The following LMNB1 variants were observed in gnomAD, a reference collection of about 807,000 sequenced individuals.
LMNB1 encodes lamin-B1.
A neutral mutation model predicts 67.1 loss-of-function variants in LMNB1; 23 were observed. That is an observed-to-expected ratio of 0.34 (90% CI 0.25 to 0.49). The LOEUF (loss-of-function observed/expected upper bound fraction) is 0.49. LMNB1 is among the 20% of genes least tolerant of loss of function. The pLI is 0.99. For synonymous variants in LMNB1, 281 were observed against 282.9 expected, an observed-to-expected ratio of 0.99 and a Z score of 0.07; for missense variants, 634 against 746.5, an observed-to-expected ratio of 0.85 and a Z score of 1.76.
chr5:126,785,586 G>C (rs528174773), intron 1 of LMNB1, among the ~76,000 whole-genome samples: 4 of 150,534 alleles, frequency 2.7e-5, no homozygotes, highest in African/African-American at 7.3e-5. Context: ...GCCTCCCAAA[G>C]TGCTAGGATT....
Position 126,791,538 on chromosome 5 carries a change from G to A in LMNB1, c.360-13238G>A, listed in dbSNP as rs187091950. 4.8e-3 allele frequency among the ~76,000 whole-genome samples: 698 copies of A among 144,330 alleles called. 17 individuals carry two copies. Among genetic ancestry groups the A allele is most frequent in the African/African-American group, 0.017 (671 of 38,680 alleles). 94.7% of individuals were successfully genotyped at this position (144,330 alleles called of 152,430 possible). A position where few individuals can be genotyped will look rare whatever the true frequency, so the allele number is the denominator to read the frequency against. On this transcript the variant is annotated intron_variant, in intron 1 of 10. Transcript: ENST00000261366. ...AGTGGCATGATCTTGGCTCACTACA[G>A]CCTCAACCTCCTAGGCTCAAGTGAT...
At chr5:126,781,905 C>G (rs563084100) in intron 1 of LMNB1, among the ~76,000 whole-genome samples, 248 of 152,290 alleles carry the variant, frequency 1.6e-3, no homozygotes, top group African/African-American at 5.9e-3. Context: ...CATGGAAATG[C>G]TTGGTCTAAA....
At chr5:126,801,141 G>A (rs1009885827) in intron 1 of LMNB1, among the ~76,000 whole-genome samples, 24 of 150,176 alleles carry the variant, frequency 1.6e-4, no homozygotes, top group Admixed American at 5.3e-4. Flanking sequence ...GTGCCACCAC[G>A]CCTGGCTAAT....
At chr5:126,812,765 C>G (rs113536539) in intron 5 of LMNB1, among the ~76,000 whole-genome samples, 5 of 135,210 alleles carry the variant, frequency 3.7e-5, no homozygotes, top group African/African-American at 1.4e-4. Flanking sequence ...GAGTCTCACT[C>G]TGTCGCCCAG....
chr5:126,826,204 T>C (rs138015446), intron 9 of LMNB1, 97 bp downstream of exon 9: 3 of 1,379,780 alleles, frequency 2.2e-6, no homozygotes, highest in African/African-American at 2.9e-5. Context: ...CAATAACCGA[T>C]TGCATAAACA....
intron 5 of LMNB1, among the ~76,000 whole-genome samples, chr5:126,818,642 CA>C (rs1751784977): frequency 6.6e-6 from 1 of 152,220 alleles, no homozygotes; most frequent in Non-Finnish European, 1.5e-5. Flanking sequence ...CACATCTTAA[CA>C]TTTTTTTGGC....
intron 1 of LMNB1, among the ~76,000 whole-genome samples, chr5:126,791,810 G>T (rs1008906929): frequency 4.0e-5 from 6 of 151,206 alleles, no homozygotes; most frequent in South Asian, 4.2e-4. Flanking sequence ...TTGAGACAGG[G>T]TCTTGCTCTG....
chr5:126,821,173 G>A, intron 7 of LMNB1, 38 bp downstream of exon 7: 1 of 1,353,424 alleles, frequency 7.4e-7, no homozygotes, highest in Non-Finnish European at 1.1e-6. Context: ...GCAAGGCTTT[G>A]TGGATTGCTA....
chr5:126,835,904 G>A (rs551776115), intron 10 of LMNB1, among the ~76,000 whole-genome samples: 27 of 152,280 alleles, frequency 1.8e-4, no homozygotes, highest in African/African-American at 5.3e-4. Flanking sequence ...CCTGGCTAAC[G>A]TGGTGGTGAT....
chr5:126,812,976 G>A (rs917669412), intron 5 of LMNB1, among the ~76,000 whole-genome samples: 3 of 152,026 alleles, frequency 2.0e-5, no homozygotes, highest in Non-Finnish European at 2.9e-5. Context: ...TGATCCACCC[G>A]CCTCGGCTTC....
chr5:126,823,047 TG>T (rs1457279917), intron 8 of LMNB1, among the ~76,000 whole-genome samples, 162 bp downstream of exon 8: 4 of 152,250 alleles, frequency 2.6e-5, no homozygotes, highest in African/African-American at 9.6e-5. Flanking sequence ...TTTAAAATTC[TG>T]TCTTATTGAG....
At position 126,804,756 on chromosome 5, in the gene LMNB1, G is replaced by A; in HGVS notation, c.360-20G>A. The stretch of plus-strand genomic sequence containing the variant: ...TCATCAGTATGGTTTGATGTCTTAT[G>A]CTTTTTAAATCTGTTCCAGCTATGC... On this transcript the variant is annotated intron_variant, in intron 1 of 10. Transcript: ENST00000261366. 11 of 1,610,858 alleles carry A rather than the reference G, an allele frequency of 6.8e-6. No individual in the cohort carries two copies. Among genetic ancestry groups the A allele is most frequent in the Non-Finnish European group, 9.3e-6 (11 of 1,178,280 alleles).
At position 126,804,883 on chromosome 5, in the gene LMNB1, A is replaced by T; in HGVS notation, c.467A>T (p.Lys156Ile). The T allele has an allele frequency of 6.2e-7, 1 of 1,614,182 alleles. No individual in the cohort carries two copies. Among genetic ancestry groups the T allele is most frequent in the Non-Finnish European group, 8.5e-7 (1 of 1,180,004 alleles). ...DAALATALGD[K>I]KSLEGDLEDL... ...GCTCTTGCTACTGCACTTGGTGACA[A>T]AAAAAGTTTAGAGGGAGATTTGGAG... Residue 156 changes from lysine to isoleucine, a missense_variant, in exon 2 of 11, where the codon AAA (lysine) becomes ATA (isoleucine). By Grantham distance (102) the Lys-to-Ile change is moderately radical. Transcript: ENST00000261366.
chr5:126,835,217 A>T (rs1013189362), intron 10 of LMNB1, among the ~76,000 whole-genome samples: 2 of 152,190 alleles, frequency 1.3e-5, no homozygotes, highest in African/African-American at 2.4e-5. Context: ...GATCACAGAA[A>T]CTAATGATAC....
Position 126,787,509 on chromosome 5 carries a change from CGT to C in LMNB1, c.359+9652_359+9653del, listed in dbSNP as rs1381285652. ...TATATGAAGTATATGTTATATATAA[CGT>C]GTGTGTGTGGGGGTATATATATATA... On this transcript the variant is annotated intron_variant, in intron 1 of 10. Transcript: ENST00000261366. Among the ~76,000 whole-genome samples the C allele has an allele frequency of 6.2e-5, 7 of 113,460 alleles. No homozygotes were observed. The East Asian group carries it at 1.2e-3, about 19-fold the overall frequency. The allele number at this position is 113,460 out of a possible 152,430, so 74.4% of individuals were successfully genotyped here. A position where few individuals can be genotyped will look rare whatever the true frequency, so the allele number is the denominator to read the frequency against.
At position 126,777,191 on chromosome 5, in the gene LMNB1, C is replaced by T; in HGVS notation, c.-318C>T. The T allele has an allele frequency of 3.8e-6, 1 of 260,958 alleles. No homozygotes were observed. Among genetic ancestry groups the T allele is most frequent in the East Asian group, 6.8e-5 (1 of 14,768 alleles). The allele number at this position is 260,958 out of a possible 1,614,324, so 16.2% of individuals were successfully genotyped here. ...CTGCGAGCAGGAGACGGCGGCGGCG[C>T]GAACCCTGCTGGGCCTCCAGTCACC... On this transcript the variant is annotated 5_prime_UTR_variant, in exon 1 of 11. Transcript: ENST00000261366.
intron 7 of LMNB1, among the ~76,000 whole-genome samples, 178 bp downstream of exon 7, chr5:126,821,313 G>A (rs553642514): frequency 2.0e-5 from 3 of 152,318 alleles, no homozygotes; most frequent in African/African-American, 7.2e-5. Context: ...AGGAGGAAGA[G>A]TTAGGTACCC....
rs1750476746 is a variant in LMNB1 at position 126,777,176 on chromosome 5, G to A, written c.-333G>A. ...AGAGGAAACAAAGTGCTGCGAGCAG[G>A]AGACGGCGGCGGCGCGAACCCTGCT... On this transcript the variant is annotated 5_prime_UTR_variant, in exon 1 of 11. Transcript: ENST00000261366. 8.4e-6 allele frequency: 2 copies of A among 238,886 alleles called. No individual in the cohort carries two copies. Among genetic ancestry groups the A allele is most frequent in the Non-Finnish European group, 1.6e-5 (2 of 125,062 alleles). 14.8% of individuals were successfully genotyped at this position (238,886 alleles called of 1,614,324 possible).
chr5:126,787,484 T>TGTATATGTTATATATAAC (rs1750823955), intron 1 of LMNB1, among the ~76,000 whole-genome samples: 1 of 146,726 alleles, frequency 6.8e-6, no homozygotes, highest in African/African-American at 2.5e-5. Context: ...ATGTTACTTA[T>TGTATATGTTATATATAAC]ATATGAAGTA....
Sources: allele counts gnomAD v4.1 joint callset (sites outside exome capture counted in the v4.1 genomes callset), GRCh38; gene constraint gnomAD v4.1.1; transcripts MANE v1.5; gene names NCBI Gene and HGNC (gene_info 2026-07-23, HGNC 2026-07-21).